The following CUL2 variants were observed in gnomAD, a reference collection of about 807,000 sequenced individuals.
The protein encoded by CUL2 is cullin-2.
CUL2 carries 22 observed loss-of-function variants against 110.2 expected under a neutral mutation model. The ratio of observed to expected loss-of-function variants is 0.20; its 90% CI spans 0.14 to 0.28. The LOEUF (loss-of-function observed/expected upper bound fraction) is 0.28. CUL2 is among the 10% of genes least tolerant of loss of function. CUL2 has a pLI of 1.00. For missense variants in CUL2, 631 were observed against 905.5 expected (o/e 0.70, Z 3.89); for synonymous variants, 279 against 293.2 (o/e 0.95, Z 0.49).
At chr10:35,097,053 G>A (rs567591020) in intron 2 of CUL2, among the ~76,000 whole-genome samples, 3 of 151,998 alleles carry the variant, frequency 2.0e-5, no homozygotes, top group South Asian at 2.1e-4. Flanking sequence ...CACATGACCC[G>A]TCCACCTCAA....
At chr10:35,050,275 C>T (rs556039135) in intron 5 of CUL2, among the ~76,000 whole-genome samples, 27 of 150,810 alleles carry the variant, frequency 1.8e-4, no homozygotes, top group African/African-American at 5.6e-4. Context: ...GAGCCCAGAT[C>T]GTGCCACTGC....
chr10:35,022,105 T>G lies in CUL2; in HGVS notation c.1684+3027A>C, dbSNP rs533570314. Reference sequence around the variant, plus strand: ...TGTCTGTCTTCCTACTAGACATGAGTTTTTTTTGAGGGCCAAGGCTCTGTA... The same window carrying G: ...TGTCTGTCTTCCTACTAGACATGAGGTTTTTTTGAGGGCCAAGGCTCTGTA... On this transcript the variant is annotated intron_variant, in intron 17 of 20. Coordinates refer to ENST00000374749, the MANE Select transcript of CUL2 (RefSeq NM_003591.4). Among the ~76,000 whole-genome samples the G allele has an allele frequency of 2.2e-4, 33 of 151,692 alleles. No homozygotes were observed. In the East Asian group the frequency reaches 5.6e-3, roughly 26 times the overall value.
chr10:35,014,953 T>C (rs943384180), intron 18 of CUL2, among the ~76,000 whole-genome samples: 1 of 152,256 alleles, frequency 6.6e-6, no homozygotes. Flanking sequence ...TTTAAGAATT[T>C]ACTAGCCTAA....
intron 5 of CUL2, among the ~76,000 whole-genome samples, chr10:35,050,993 C>CA (rs1438596075): frequency 6.6e-6 from 1 of 152,236 alleles, no homozygotes; most frequent in Admixed American, 6.5e-5. Flanking sequence ...AGGCTTTAGT[C>CA]AAATTTTGCC....
chr10:35,112,549 C>G (rs967542983), intron 1 of CUL2, among the ~76,000 whole-genome samples: 1 of 152,126 alleles, frequency 6.6e-6, no homozygotes, highest in African/African-American at 2.4e-5. Flanking sequence ...GAAGACAGAG[C>G]TCTATAGAGA....
rs111986474 is a variant in CUL2 at position 35,101,512 on chromosome 10, T to G, written c.-50-452A>C. On this transcript the variant is annotated intron_variant, in intron 1 of 5. Transcript: ENST00000685421. Reference sequence around the variant, plus strand: ...TTTTACTGGAAGCTACAATGAAGACTTAAGTGATGGAAGTGTCAACACAAT... The same window carrying G: ...TTTTACTGGAAGCTACAATGAAGACGTAAGTGATGGAAGTGTCAACACAAT... Among the ~76,000 whole-genome samples the G allele has an allele frequency of 6.2e-3, 938 of 152,338 alleles. 12 individuals carry two copies. Among genetic ancestry groups the G allele is most frequent in the African/African-American group, 0.021 (890 of 41,578 alleles).
chr10:35,021,456 TACATACACACACAC>T (rs201468701), intron 17 of CUL2, among the ~76,000 whole-genome samples: 5,702 of 150,626 alleles, frequency 0.038, 351 homozygotes, highest in African/African-American at 0.13. Flanking sequence ...CACACACACA[TACATACACACACAC>T]AAATATGTAG....
At chr10:35,059,658 T>C (rs938270617) in intron 4 of CUL2, among the ~76,000 whole-genome samples, 2 of 152,160 alleles carry the variant, frequency 1.3e-5, no homozygotes, top group African/African-American at 4.8e-5. Flanking sequence ...ATCTCCAAAG[T>C]ATGCCTGTAC....
intron 2 of CUL2, among the ~76,000 whole-genome samples, chr10:35,068,091 C>T (rs1036828132): frequency 2.2e-5 from 3 of 133,750 alleles, no homozygotes; most frequent in African/African-American, 8.7e-5. Context: ...GCCTGGGCGA[C>T]AGAGCGAGAC....
At chr10:35,042,198 ATCT>A (rs2085810344) in intron 8 of CUL2, among the ~76,000 whole-genome samples, 1 of 151,502 alleles carries the variant, frequency 6.6e-6, no homozygotes, top group African/African-American at 2.5e-5. Context: ...CCTCTAATCT[ATCT>A]TCTGTCCTTT....
intron 9 of CUL2, among the ~76,000 whole-genome samples, chr10:35,038,398 C>T (rs370890358): frequency 2.0e-5 from 3 of 149,644 alleles, no homozygotes; most frequent in East Asian, 2.0e-4. Flanking sequence ...TGGTGATGAG[C>T]GCCTGTAATC....
intron 18 of CUL2, 72 bp downstream of exon 18, chr10:35,016,120 A>T: frequency 7.8e-7 from 1 of 1,277,326 alleles, no homozygotes; most frequent in Non-Finnish European, 1.1e-6. Flanking sequence ...GCCTTATTTT[A>T]AAACTGCAAA....
intron 4 of CUL2, among the ~76,000 whole-genome samples, chr10:35,059,748 T>C (rs1188783894): frequency 1.3e-5 from 2 of 152,216 alleles, no homozygotes; most frequent in Non-Finnish European, 2.9e-5. Flanking sequence ...AGTGGTTAAA[T>C]GGATGGGCTT....
At chr10:35,095,601 C>T, upstream of CUL2, among the ~76,000 whole-genome samples, 1 of 152,046 alleles carries the variant, frequency 6.6e-6, no homozygotes, top group East Asian at 1.9e-4. Context: ...CTCCGTTGCC[C>T]GGGCTGGAGT....
intron 1 of CUL2, among the ~76,000 whole-genome samples, chr10:35,125,223 G>T (rs1437225776): frequency 6.6e-6 from 1 of 152,192 alleles, no homozygotes; most frequent in Non-Finnish European, 1.5e-5. Flanking sequence ...CAGAGGCCAT[G>T]AACTGATGGG....
intron 2 of CUL2, among the ~76,000 whole-genome samples, chr10:35,065,946 G>C (rs2086509895): frequency 2.0e-5 from 3 of 152,238 alleles, no homozygotes; most frequent in South Asian, 4.1e-4. Context: ...TCATTTTTTA[G>C]GGAGCCAGAA....
Position 35,060,962 on chromosome 10 carries a change from A to C in CUL2, c.229T>G (p.Leu77Val), listed in dbSNP as rs2086366227. The C allele has an allele frequency of 6.2e-7, 1 of 1,612,010 alleles. No homozygotes were observed. Among genetic ancestry groups the C allele is most frequent in the Non-Finnish European group, 8.5e-7 (1 of 1,179,506 alleles). Residue 77 changes from leucine to valine, a missense_variant, in exon 4 of 21, where the codon TTG becomes GTG. Leu to Val is a conservative substitution (Grantham distance 32). Transcript: ENST00000374749. ...ACAAGTACTTGTTCTTCTGACTCCA[A>C]AACTCTCTATATAAAGAGGAAAAAT... ...NHVRHLHKRV[L>V]ESEEQVLVMY...
chr10:35,111,680 G>C (rs1186713961), intron 1 of CUL2, among the ~76,000 whole-genome samples: 1 of 152,170 alleles, frequency 6.6e-6, no homozygotes, highest in Non-Finnish European at 1.5e-5. Context: ...TTGAGGTCAG[G>C]AGTTCCAGAC....
chr10:35,016,006 C>A (rs1371973649), intron 18 of CUL2, among the ~76,000 whole-genome samples, 186 bp downstream of exon 18: 1 of 152,176 alleles, frequency 6.6e-6, no homozygotes, highest in Non-Finnish European at 1.5e-5. Flanking sequence ...CACATGGCAC[C>A]AACTCACACA....
Sources: gnomAD v4.1 joint callset for allele counts (sites outside exome capture counted in the v4.1 genomes callset) on GRCh38, gnomAD v4.1.1 for gene constraint, MANE v1.5 for transcripts, NCBI Gene and HGNC (gene_info 2026-07-23, HGNC 2026-07-21) for gene names.